ARHGEF10: variants seen among roughly 807,000 people sequenced by gnomAD.
ARHGEF10 encodes the protein Rho guanine nucleotide exchange factor 10.
Under a neutral mutation model 147.4 loss-of-function variants are expected in ARHGEF10, and 140 were observed. The ratio of observed to expected loss-of-function variants is 0.95; its 90% CI spans 0.83 to 1.09. The LOEUF is 1.09. ARHGEF10 is among the 50% of genes least tolerant of loss of function. The pLI, the probability that ARHGEF10 is intolerant of heterozygous loss-of-function variation, is 0.00. For missense variants in ARHGEF10, 2,222 were observed against 1,752.7 expected (o/e 1.27, Z -4.78); for synonymous variants, 902 against 695.8 (o/e 1.30, Z -4.67).
intron 18 of ARHGEF10, among the ~76,000 whole-genome samples, chr8:1,921,093 T>C (rs1399352499): frequency 6.6e-6 from 1 of 152,198 alleles, no homozygotes; most frequent in Non-Finnish European, 1.5e-5. Context: ...GCCGCTCCCT[T>C]TGTTACGAAA....
At chr8:1,892,398 G>A (rs2129152866) in intron 11 of ARHGEF10, among the ~76,000 whole-genome samples, 2 of 150,970 alleles carry the variant, frequency 1.3e-5, no homozygotes, top group African/African-American at 4.9e-5. Flanking sequence ...TCTTCTTTGG[G>A]TATTTTAGAA....
At chr8:1,927,611 C>G (rs1227250823) in intron 23 of ARHGEF10, 1 of 152,386 alleles carries the variant, frequency 6.6e-6, no homozygotes, top group African/African-American at 2.4e-5. Flanking sequence ...ACTGTTGCAG[C>G]AATGCTACTT....
intron 18 of ARHGEF10, among the ~76,000 whole-genome samples, chr8:1,914,049 G>A (rs1256288836): frequency 6.6e-6 from 1 of 152,104 alleles, no homozygotes; most frequent in Non-Finnish European, 1.5e-5. Context: ...AAATTCACAC[G>A]GTTTTAAAAA....
chr8:1,880,827 A>C (rs775945342), intron 9 of ARHGEF10, among the ~76,000 whole-genome samples: 18 of 152,084 alleles, frequency 1.2e-4, no homozygotes, highest in Non-Finnish European at 2.4e-4. Context: ...GTTGAATGGC[A>C]CTCACTGGAA....
intron 3 of ARHGEF10, among the ~76,000 whole-genome samples, chr8:1,859,158 GTTTC>G (rs1377308160): frequency 6.6e-6 from 1 of 151,448 alleles, no homozygotes; most frequent in East Asian, 2.0e-4. Context: ...CTTACACGGT[GTTTC>G]TTTGTGCACA....
chr8:1,900,487 C>T (rs7014554), intron 15 of ARHGEF10, among the ~76,000 whole-genome samples: 2 of 151,996 alleles, frequency 1.3e-5, no homozygotes, highest in Non-Finnish European at 2.9e-5. Flanking sequence ...TGTCTAGCCA[C>T]AAATCTAGTA....
chr8:1,876,782 G>C (rs1202927619), intron 8 of ARHGEF10, 48 bp downstream of exon 8: 2 of 1,594,566 alleles, frequency 1.3e-6, no homozygotes, highest in South Asian at 1.1e-5. Flanking sequence ...GCGTTAACAC[G>C]GACAGGGGGC....
At chr8:1,901,845 A>G (rs1810489006) in intron 15 of ARHGEF10, among the ~76,000 whole-genome samples, 1 of 152,266 alleles carries the variant, frequency 6.6e-6, no homozygotes. Context: ...TATTCATTAC[A>G]AACTGGAAAC....
At chr8:1,918,695 A>G (rs1383625078) in intron 18 of ARHGEF10, among the ~76,000 whole-genome samples, 1 of 152,204 alleles carries the variant, frequency 6.6e-6, no homozygotes. Context: ...ATTTTCAAGT[A>G]TACAATACCT....
chr8:1,867,690 A>C (rs1360618522), intron 6 of ARHGEF10, among the ~76,000 whole-genome samples: 3 of 152,158 alleles, frequency 2.0e-5, no homozygotes, highest in African/African-American at 7.2e-5. Context: ...ATTTTTAGCT[A>C]GATTTACTTG....
chr8:1,906,090 A>C (rs189905703), intron 17 of ARHGEF10, among the ~76,000 whole-genome samples: 1 of 152,322 alleles, frequency 6.6e-6, no homozygotes, highest in Admixed American at 6.5e-5. Flanking sequence ...TTTAAATATA[A>C]TAAAGTTGGG....
chr8:1,872,104 C>G (rs1055456583), intron 7 of ARHGEF10, among the ~76,000 whole-genome samples: 22 of 151,834 alleles, frequency 1.4e-4, no homozygotes, highest in African/African-American at 5.1e-4. Context: ...AAAAGTTGAT[C>G]AAGAGGATGT....
chr8:1,841,916 T>C (rs1363356277), intron 1 of ARHGEF10, among the ~76,000 whole-genome samples: 7 of 88,286 alleles, frequency 7.9e-5, no homozygotes, highest in African/African-American at 1.1e-4. Flanking sequence ...CGGCGGGAAC[T>C]GGGGCCGCGG....
intron 18 of ARHGEF10, among the ~76,000 whole-genome samples, chr8:1,911,861 C>T (rs1481850378): frequency 6.6e-6 from 1 of 152,214 alleles, no homozygotes; most frequent in Non-Finnish European, 1.5e-5. Flanking sequence ...ATACCTCCCT[C>T]AGAGTTTTCA....
chr8:1,852,614 C>T (rs1388844246), intron 2 of ARHGEF10, among the ~76,000 whole-genome samples: 1 of 152,324 alleles, frequency 6.6e-6, no homozygotes, highest in African/African-American at 2.4e-5. Flanking sequence ...GTAACTTCCT[C>T]GCCCTTTTTT....
At chr8:1,916,183 C>T (rs1166870946) in intron 18 of ARHGEF10, among the ~76,000 whole-genome samples, 1 of 152,112 alleles carries the variant, frequency 6.6e-6, no homozygotes, top group Admixed American at 6.5e-5. Context: ...GGCCTGTGGA[C>T]AGGGTCCTCT....
intron 18 of ARHGEF10, among the ~76,000 whole-genome samples, chr8:1,921,577 T>A (rs1485025160): frequency 6.6e-6 from 1 of 151,982 alleles, no homozygotes; most frequent in Admixed American, 6.6e-5. Context: ...CTACTAAAAA[T>A]ACACAAATTA....
At chr8:1,845,906 C>G (rs1488198704) in intron 2 of ARHGEF10, among the ~76,000 whole-genome samples, 1 of 152,162 alleles carries the variant, frequency 6.6e-6, no homozygotes, top group African/African-American at 2.4e-5. Flanking sequence ...GGACACTCCT[C>G]TGCTGGGGCT....
At chr8:1,886,874 G>T (rs1585395094) in intron 11 of ARHGEF10, among the ~76,000 whole-genome samples, 1 of 152,162 alleles carries the variant, frequency 6.6e-6, no homozygotes, top group East Asian at 1.9e-4. Flanking sequence ...CTCCTAACCT[G>T]TCTGTGCTCA....
Sources: allele counts gnomAD v4.1 joint callset (sites outside exome capture counted in the v4.1 genomes callset), GRCh38; gene constraint gnomAD v4.1.1; transcripts MANE v1.5; gene names NCBI Gene and HGNC (gene_info 2026-07-23, HGNC 2026-07-21).